The following ZNF385D variants were observed in gnomAD, a reference collection of about 807,000 sequenced individuals.
The protein encoded by ZNF385D is zinc finger protein 385D, also known as zinc finger protein 659.
A neutral mutation model predicts 35.8 loss-of-function variants in ZNF385D; 15 were observed. The ratio of observed to expected loss-of-function variants is 0.42; its 90% CI spans 0.28 to 0.64. The LOEUF is 0.64. Among genes scored for constraint, ZNF385D ranks in the 30% least tolerant of loss-of-function variants. ZNF385D has a pLI of 0.23. For missense variants in ZNF385D, 474 were observed against 494.6 expected (o/e 0.96, Z 0.39); for synonymous variants, 212 against 186.8 (o/e 1.13, Z -1.10).
chr3:21,563,708 G>A (rs2063038837), intron 3 of ZNF385D, among the ~76,000 whole-genome samples: 2 of 152,110 alleles, frequency 1.3e-5, no homozygotes, highest in South Asian at 2.1e-4. Context: ...ACGAGAAAAT[G>A]GTACCTCGAT....
At chr3:21,768,000 A>G (rs1321250614) in intron 3 of ZNF385D, among the ~76,000 whole-genome samples, 3 of 152,092 alleles carry the variant, frequency 2.0e-5, no homozygotes. Flanking sequence ...AATTATTCAC[A>G]TAAGTACATC....
chr3:21,917,664 G>C (rs571194147), intron 3 of ZNF385D, among the ~76,000 whole-genome samples: 8 of 152,046 alleles, frequency 5.3e-5, no homozygotes, highest in Admixed American at 3.9e-4. Flanking sequence ...ATATACACAG[G>C]AACAGAAAAA....
At chr3:22,262,093 CT>C (rs1217036952) in intron 2 of ZNF385D, among the ~76,000 whole-genome samples, 1 of 151,726 alleles carries the variant, frequency 6.6e-6, no homozygotes, top group African/African-American at 2.4e-5. Flanking sequence ...TAAATAGTGG[CT>C]TTTTTGGTGT....
chr3:21,831,462 G>A (rs1300186201), intron 3 of ZNF385D, among the ~76,000 whole-genome samples: 1 of 152,136 alleles, frequency 6.6e-6, no homozygotes, highest in Non-Finnish European at 1.5e-5. Context: ...CCCTAGACTG[G>A]GAATAAGAAA....
intron 3 of ZNF385D, among the ~76,000 whole-genome samples, chr3:21,780,742 C>G (rs1433310300): frequency 2.0e-5 from 3 of 151,904 alleles, no homozygotes; most frequent in Admixed American, 1.3e-4. Context: ...GAAATGTCCT[C>G]AAATCATTTT....
At chr3:21,475,050 C>T (rs1301538315) in intron 4 of ZNF385D, among the ~76,000 whole-genome samples, 5 of 151,840 alleles carry the variant, frequency 3.3e-5, no homozygotes, top group Admixed American at 1.3e-4. Flanking sequence ...TGAAAAAATG[C>T]TACTGAGATG....
intron 2 of ZNF385D, among the ~76,000 whole-genome samples, chr3:21,591,183 A>G (rs35084758): frequency 0.035 from 5,258 of 152,242 alleles, 124 homozygotes; most frequent in Non-Finnish European, 0.052. Context: ...GAGACAGACC[A>G]CATCTCAAAA....
intron 2 of ZNF385D, among the ~76,000 whole-genome samples, chr3:21,612,144 T>C (rs9815936): frequency 0.21 from 32,346 of 152,064 alleles, 4,581 homozygotes; most frequent in African/African-American, 0.41. Flanking sequence ...AGTAGCATGA[T>C]CTCGGCTCAG....
chr3:22,082,177 C>A (rs151138512), intron 3 of ZNF385D, among the ~76,000 whole-genome samples: 11 of 152,038 alleles, frequency 7.2e-5, no homozygotes, highest in African/African-American at 1.9e-4. Context: ...ATTGAGGCAC[C>A]TGGTTTATCT....
At chr3:22,157,905 G>A (rs1187037137) in intron 3 of ZNF385D, among the ~76,000 whole-genome samples, 1 of 152,072 alleles carries the variant, frequency 6.6e-6, no homozygotes, top group Non-Finnish European at 1.5e-5. Flanking sequence ...TGCACACAAA[G>A]TGCCAACCTT....
At position 21,539,370 on chromosome 3, in the gene ZNF385D, C is replaced by A. The variant is rs960304441; in HGVS notation, c.276+25204G>T. ...ACCAATAATATCTAAATGCTGGTAT[C>A]AAATAAAAACACAGAACTCTCTGTT... On this transcript the variant is annotated intron_variant, in intron 3 of 7. Transcript: ENST00000281523. This position sits in a 1 kb window ranked among gnomAD's most constrained non-coding sequence, Gnocchi z 4.0. Among the ~76,000 whole-genome samples, 2 of 152,070 alleles carry A rather than the reference C, an allele frequency of 1.3e-5. No individual in the cohort carries two copies. Among genetic ancestry groups the A allele is most frequent in the East Asian group, 3.9e-4 (2 of 5,188 alleles).
chr3:22,084,856 A>G (rs1491000383), intron 3 of ZNF385D, among the ~76,000 whole-genome samples: 2 of 152,216 alleles, frequency 1.3e-5, no homozygotes, highest in African/African-American at 2.4e-5. Context: ...GTAAAAGAAC[A>G]GAAATCACAA....
At position 22,263,849 on chromosome 3, in the gene ZNF385D, C is replaced by T. The variant is rs189037485; in HGVS notation, c.107-94814G>A. Among the ~76,000 whole-genome samples, 149 of 151,970 alleles carry T rather than the reference C, an allele frequency of 9.8e-4. 2 individuals carry two copies. The highest frequency in any genetic ancestry group is 3.5e-3 in the African/African-American group (145 of 41,498). ...TATTACTAGGTTGCTGCCAAATGCC[C>T]TCCCATGCACAGGACAGCCCCTCAT... On this transcript the variant is annotated intron_variant, in intron 2 of 5. Coordinates refer to the ZNF385D transcript ENST00000494108.
At chr3:22,300,628 G>C (rs963846349) in intron 2 of ZNF385D, among the ~76,000 whole-genome samples, 27 of 151,772 alleles carry the variant, frequency 1.8e-4, no homozygotes, top group Non-Finnish European at 3.8e-4. Context: ...AATGGGTAAA[G>C]GATAGAAATA....
chr3:21,601,900 T>C (rs1458097892), intron 2 of ZNF385D, among the ~76,000 whole-genome samples: 1 of 152,184 alleles, frequency 6.6e-6, no homozygotes, highest in Non-Finnish European at 1.5e-5. Context: ...CATCATCCAG[T>C]CATTTGGTCT....
intron 4 of ZNF385D, among the ~76,000 whole-genome samples, chr3:21,468,661 C>T (rs964900633): frequency 1.3e-5 from 2 of 152,222 alleles, no homozygotes; most frequent in South Asian, 4.1e-4. Context: ...GGCGGTGGCT[C>T]ACGCCTGTAA....
rs80076302 is a variant in ZNF385D at position 22,321,679 on chromosome 3, T to A, written c.106+50771A>T. ...CGCACCCGGCTCAGTCTATATGTAT[T>A]TAATGTAATGACTGATATATTTTAT... On this transcript the variant is annotated intron_variant, in intron 2 of 5. Coordinates refer to the ZNF385D transcript ENST00000494108. Among the ~76,000 whole-genome samples the A allele has an allele frequency of 2.7e-3, 406 of 152,278 alleles. 2 individuals are homozygous for A. The highest frequency in any genetic ancestry group is 8.9e-3 in the African/African-American group (370 of 41,564).
At chr3:21,725,036 A>C (rs2068700843) in intron 1 of ZNF385D, among the ~76,000 whole-genome samples, 1 of 152,224 alleles carries the variant, frequency 6.6e-6, no homozygotes, top group Non-Finnish European at 1.5e-5. Context: ...ACTCACTCAA[A>C]ACTGAACAAT....
chr3:22,027,186 C>T (rs1212805712), intron 3 of ZNF385D, among the ~76,000 whole-genome samples: 1 of 152,196 alleles, frequency 6.6e-6, no homozygotes, highest in Non-Finnish European at 1.5e-5. Context: ...TTGGCCCCTC[C>T]TACAACCAAG....
Sources: allele counts gnomAD v4.1 joint callset (sites outside exome capture counted in the v4.1 genomes callset), GRCh38; gene constraint gnomAD v4.1.1; non-coding constraint Gnocchi (gnomAD v3.1); transcripts MANE v1.5; gene names NCBI Gene and HGNC (gene_info 2026-07-23, HGNC 2026-07-21).